The following DRC11L variants were observed in gnomAD, a reference collection of about 807,000 sequenced individuals.
The protein encoded by DRC11L is dynein regulatory complex subunit 11 like, also known as dynein regulatory complex subunit like-11.
the DRC11L span, among the ~76,000 whole-genome samples, chr7:151,199,385 A>G: frequency 6.6e-6 from 1 of 151,684 alleles, no homozygotes; most frequent in Admixed American, 6.6e-5. This position sits in a 1 kb window ranked among gnomAD's most constrained non-coding sequence, Gnocchi z 5.2. Context: ...TCCCAAATGT[A>G]TTTTAAATAT....
chr7:151,197,029 C>A, the DRC11L span: 2 of 399,692 alleles, frequency 5.0e-6, no homozygotes, highest in East Asian at 7.1e-5. Context: ...TGGATGGCAA[C>A]ACTTGCAACA....
the DRC11L span, chr7:151,193,605 T>C: frequency 4.3e-5 from 17 of 398,254 alleles, no homozygotes; most frequent in Non-Finnish European, 7.5e-5. Flanking sequence ...GAGGTGCAGA[T>C]CACAGGGCAT....
At chr7:151,201,708 G>A in the DRC11L span, among the ~76,000 whole-genome samples, 8 of 152,152 alleles carry the variant, frequency 5.3e-5, no homozygotes, top group East Asian at 3.8e-4. This position sits in a 1 kb window ranked among gnomAD's most constrained non-coding sequence, Gnocchi z 4.1. Context: ...AGAGGAAGGC[G>A]GGGGAGATTG....
At chr7:151,196,875 T>C in the DRC11L span, 1 of 398,920 alleles carries the variant, frequency 2.5e-6, no homozygotes. Context: ...ACACCCACAC[T>C]GCCACTTCAT....
At chr7:151,204,692 C>T in the DRC11L span, 7 of 398,882 alleles carry the variant, frequency 1.8e-5, no homozygotes, top group Non-Finnish European at 3.1e-5. Context: ...GGCGCAGCAG[C>T]CCCAGGTAGT....
chr7:151,191,890 G>A, the DRC11L span: 2 of 399,102 alleles, frequency 5.0e-6, no homozygotes, highest in Non-Finnish European at 8.8e-6. Context: ...CAGGCATGTG[G>A]AAGACATGGG....
At chr7:151,192,518 C>A in the DRC11L span, 1 of 398,614 alleles carries the variant, frequency 2.5e-6, no homozygotes, top group East Asian at 3.6e-5. Flanking sequence ...ATGGGGCTCC[C>A]AAGTTCTCAG....
chr7:151,197,523 G>A, the DRC11L span, among the ~76,000 whole-genome samples: 2 of 152,176 alleles, frequency 1.3e-5, no homozygotes, highest in African/African-American at 4.8e-5. Flanking sequence ...TGGGGTCCAA[G>A]GAGAAAGGGT....
the DRC11L span, chr7:151,195,830 TC>T: frequency 5.1e-6 from 2 of 389,742 alleles, no homozygotes; most frequent in Non-Finnish European, 9.1e-6. Flanking sequence ...TCCTCTGCAT[TC>T]CTCCCTCCCT....
chr7:151,198,752 C>T, the DRC11L span: 6 of 398,820 alleles, frequency 1.5e-5, no homozygotes, highest in Non-Finnish European at 2.7e-5. Flanking sequence ...GGACCCTGAG[C>T]GAAGGGAATG....
chr7:151,197,990 G>A, the DRC11L span: 1 of 374,494 alleles, frequency 2.7e-6, no homozygotes, highest in Non-Finnish European at 4.7e-6. Flanking sequence ...AGAGAGGTGG[G>A]TAGAAGGGTT....
At chr7:151,192,006 G>A in the DRC11L span, 1 of 398,162 alleles carries the variant, frequency 2.5e-6, no homozygotes, top group Non-Finnish European at 4.4e-6. Flanking sequence ...ACATCCATCA[G>A]CTCCCCTTCC....
chr7:151,204,971 C>T, the DRC11L span: 1 of 397,994 alleles, frequency 2.5e-6, no homozygotes, highest in East Asian at 3.6e-5. Context: ...AAATGGACTT[C>T]AATGAGGTAA....
the DRC11L span, chr7:151,200,280 A>G: frequency 5.0e-6 from 2 of 398,604 alleles, no homozygotes; most frequent in Non-Finnish European, 8.8e-6. Context: ...AGTGGAGAGC[A>G]CCGTGGGCAC....
chr7:151,198,691 T>C, the DRC11L span: 1 of 397,866 alleles, frequency 2.5e-6, no homozygotes, highest in South Asian at 1.4e-4. Context: ...AGGCCCCATC[T>C]GGACTAGAAG....
At chr7:151,203,306 G>A in the DRC11L span, 1 of 398,906 alleles carries the variant, frequency 2.5e-6, no homozygotes, top group African/African-American at 2.1e-5. Flanking sequence ...GGGCACTCTG[G>A]TAGAGAGCAG....
chr7:151,194,595 A>G, the DRC11L span: 1 of 399,586 alleles, frequency 2.5e-6, no homozygotes, highest in Non-Finnish European at 4.4e-6. Flanking sequence ...GAGACTCCAC[A>G]GACCTGGCAG....
At chr7:151,195,591 G>A in the DRC11L span, 5 of 367,550 alleles carry the variant, frequency 1.4e-5, no homozygotes, top group African/African-American at 2.2e-5. Context: ...AGCCCTCAGG[G>A]GTCTTTCTTC....
chr7:151,204,365 G>A, the DRC11L span: 1 of 397,404 alleles, frequency 2.5e-6, no homozygotes, highest in Non-Finnish European at 4.4e-6. Flanking sequence ...GTAGGCAGGG[G>A]TGGTCGGCCC....
Sources: allele counts gnomAD v4.1 joint callset (sites outside exome capture counted in the v4.1 genomes callset), GRCh38; gene constraint gnomAD v4.1.1; non-coding constraint Gnocchi (gnomAD v3.1); transcripts MANE v1.5; gene names NCBI Gene and HGNC (gene_info 2026-07-23, HGNC 2026-07-21).